The following DPYSL2 variants were observed in gnomAD, a reference collection of about 807,000 sequenced individuals.
The protein encoded by DPYSL2 is dihydropyrimidinase like 2.
A neutral mutation model predicts 69.9 loss-of-function variants in DPYSL2; 13 were observed. That is an observed-to-expected ratio of 0.19 (90% CI 0.12 to 0.30). The LOEUF (loss-of-function observed/expected upper bound fraction) is 0.30. Among genes scored for constraint, DPYSL2 ranks in the 10% least tolerant of loss-of-function variants. DPYSL2 has a pLI of 1.00. For synonymous variants in DPYSL2, 326 were observed against 359.1 expected, an observed-to-expected ratio of 0.91 and a Z score of 1.04; for missense variants, 587 against 918.9, an observed-to-expected ratio of 0.64 and a Z score of 4.67.
Position 26,627,109 on chromosome 8 carries a change from T to C in DPYSL2, c.856-106T>C. On this transcript the variant is annotated intron_variant, in intron 5 of 13. Transcript: ENST00000521913. This position sits in a 1 kb window ranked among gnomAD's most constrained non-coding sequence, Gnocchi z 6.9. ...AGTCAGGCTAATAGAATCGCCTAGGTGTCCTGTTTCTCATCCCAGAAATGC... is the reference window on the plus strand; with the variant it reads ...AGTCAGGCTAATAGAATCGCCTAGGCGTCCTGTTTCTCATCCCAGAAATGC... The C allele has an allele frequency of 9.8e-7, 1 of 1,018,240 alleles. No individual in the cohort carries two copies. Among genetic ancestry groups the C allele is most frequent in the Non-Finnish European group, 1.5e-6 (1 of 655,678 alleles). The allele number at this position is 1,018,240 out of a possible 1,614,324, so 63.1% of individuals were successfully genotyped here.
chr8:26,637,231 A>G (rs1802942788), intron 8 of DPYSL2, among the ~76,000 whole-genome samples: 2 of 152,220 alleles, frequency 1.3e-5, no homozygotes, highest in South Asian at 2.1e-4. Context: ...CTTTAGACAA[A>G]CCTGAGCTGC....
chr8:26,544,260 A>G (rs563188839), intron 1 of DPYSL2, among the ~76,000 whole-genome samples: 8 of 152,296 alleles, frequency 5.3e-5, no homozygotes, highest in South Asian at 2.1e-4. Context: ...ACAGTAGCCA[A>G]TTGTGCCTCA....
intron 1 of DPYSL2, among the ~76,000 whole-genome samples, chr8:26,520,820 C>G (rs1309423737): frequency 6.6e-6 from 1 of 152,126 alleles, no homozygotes; most frequent in African/African-American, 2.4e-5. Context: ...GCTGGCAGAT[C>G]TGGTGTCTGG....
At chr8:26,590,901 G>A (rs932605432) in intron 3 of DPYSL2, among the ~76,000 whole-genome samples, 10 of 152,256 alleles carry the variant, frequency 6.6e-5, no homozygotes, top group Admixed American at 3.9e-4. Flanking sequence ...AGCCAGGTAG[G>A]CTGGGTAGGC....
Position 26,653,190 on chromosome 8 carries a change from TGTGGCTGTGGCCTGAGCTGGGGG to T in DPYSL2, c.1777-40_1777-18del. On this transcript the variant is annotated intron_variant, in intron 12 of 13. Coordinates refer to ENST00000521913, the MANE Select transcript of DPYSL2 (RefSeq NM_001197293.3). This position sits in a 1 kb window ranked among gnomAD's most constrained non-coding sequence, Gnocchi z 5.7. ...GGAGGGTTTCTAGAGAGGTATCCTC[TGTGGCTGTGGCCTGAGCTGGGGG>T]GACTCTTGTGTTTTGCAGCTGGCTG... 1 of 1,601,244 alleles carries T rather than the reference TGTGGCTGTGGCCTGAGCTGGGGG, an allele frequency of 6.2e-7. No individual in the cohort carries two copies. Among genetic ancestry groups the T allele is most frequent in the Non-Finnish European group, 8.5e-7 (1 of 1,172,620 alleles).
rs1801455536 is a variant in DPYSL2 at position 26,580,037 on chromosome 8, G to A, written c.355-1932G>A. Among the ~76,000 whole-genome samples the A allele has an allele frequency of 6.7e-6, 1 of 149,698 alleles. No individual in the cohort carries two copies. The highest frequency in any genetic ancestry group is 2.5e-5 in the African/African-American group (1 of 40,578). On this transcript the variant is annotated intron_variant, in intron 1 of 13. Coordinates refer to ENST00000521913, the MANE Select transcript of DPYSL2 (RefSeq NM_001197293.3). This position sits in a 1 kb window ranked among gnomAD's most constrained non-coding sequence, Gnocchi z 4.1. ...GGTATTCCTCCCTCCCTCACCACTG[G>A]CAGCCTCTTATGTAAGAGCCTTCTG...
Position 26,627,444 on chromosome 8 carries a change from C to A in DPYSL2, c.936+149C>A. The A allele has an allele frequency of 2.5e-6, 2 of 792,810 alleles. No homozygotes were observed. The highest frequency in any genetic ancestry group is 4.1e-6 in the Non-Finnish European group (2 of 483,592). The allele number at this position is 792,810 out of a possible 1,614,324, so 49.1% of individuals were successfully genotyped here. The stretch of plus-strand genomic sequence containing the variant: ...TGCTGGAGCTCTGCTCAGTCTCACC[C>A]ATGGCATGAATGCCAGTGACACACG... On this transcript the variant is annotated intron_variant, in intron 6 of 13. Transcript: ENST00000521913. The surrounding 1 kb of genome is among the most constrained non-coding windows in gnomAD (Gnocchi z 6.9).
intron 1 of DPYSL2, among the ~76,000 whole-genome samples, chr8:26,523,169 A>AT (rs1460371316): frequency 7.6e-4 from 114 of 150,526 alleles, no homozygotes; most frequent in African/African-American, 2.7e-3. Flanking sequence ...ATATATATAT[A>AT]TTTTTAAATA....
At chr8:26,537,098 T>G (rs2117618611) in intron 1 of DPYSL2, among the ~76,000 whole-genome samples, 1 of 152,294 alleles carries the variant, frequency 6.6e-6, no homozygotes, top group Admixed American at 6.5e-5. Context: ...GTGACTTAAA[T>G]AGATTAGTTT....
Position 26,587,366 on chromosome 8 carries a change from G to A in DPYSL2, c.628+3383G>A, listed in dbSNP as rs796125229. ...CTTCCTCCCAACTCCCCGCCACCCC[G>A]CCCCTGGGCACTCCACCCTCCTGGC... On this transcript the variant is annotated intron_variant, in intron 3 of 13. Transcript: ENST00000521913. The surrounding 1 kb of genome is among the most constrained non-coding windows in gnomAD (Gnocchi z 4.2). 7.9e-5 allele frequency among the ~76,000 whole-genome samples: 12 copies of A among 152,126 alleles called. No individual in the cohort carries two copies. Among genetic ancestry groups the A allele is most frequent in the African/African-American group, 2.4e-4 (10 of 41,502 alleles).
chr8:26,563,371 C>T (rs62491877), intron 1 of DPYSL2, among the ~76,000 whole-genome samples: 1 of 152,212 alleles, frequency 6.6e-6, no homozygotes, highest in Non-Finnish European at 1.5e-5. Flanking sequence ...ACTAAGTCTT[C>T]CCTTTTAATT....
At position 26,533,825 on chromosome 8, in the gene DPYSL2, C is replaced by T. The variant is rs759873810; in HGVS notation, c.354+19146C>T. 7.2e-4 allele frequency among the ~76,000 whole-genome samples: 109 copies of T among 152,230 alleles called. No homozygotes were observed. The highest frequency in any genetic ancestry group is 1.6e-3 in the Admixed American group (25 of 15,284). On this transcript the variant is annotated intron_variant, in intron 1 of 13. Transcript: ENST00000521913. The surrounding 1 kb of genome is among the most constrained non-coding windows in gnomAD (Gnocchi z 4.8). ...AAGAATTGAGGCTTGCAAGAAGTGA[C>T]GTGCTGCTGCGGTGGCAGGGACTGA...
intron 7 of DPYSL2, among the ~76,000 whole-genome samples, chr8:26,630,046 C>T (rs1175867055): frequency 3.4e-5 from 5 of 146,002 alleles, no homozygotes; most frequent in African/African-American, 5.6e-5. Flanking sequence ...TTTTAGCATA[C>T]GCACATGTGC....
In DPYSL2 at chr8:26,576,105, T is replaced by G. The variant is rs566144058; in HGVS notation, c.355-5864T>G. 5.9e-5 allele frequency among the ~76,000 whole-genome samples: 9 copies of G among 152,318 alleles called. No homozygotes were observed. In the South Asian group the frequency reaches 1.7e-3, roughly 28 times the overall value. ...TTCTCTTTCAGATGCACAGCTAAAT[T>G]GAACTTGGATGAATTAACCATCGGT... On this transcript the variant is annotated intron_variant, in intron 1 of 13. Transcript: ENST00000521913.
In DPYSL2 at chr8:26,617,105, C is replaced by T. The variant is rs1463451686; in HGVS notation, c.629-7038C>T. On this transcript the variant is annotated intron_variant, in intron 3 of 13. Coordinates refer to ENST00000521913, the MANE Select transcript of DPYSL2 (RefSeq NM_001197293.3). This position sits in a 1 kb window ranked among gnomAD's most constrained non-coding sequence, Gnocchi z 4.7. ...GAGACCTTGTCAGAAATACTGCCAG[C>T]CTAGCCCTTTAAAAACTCATGATAT... 6.6e-6 allele frequency among the ~76,000 whole-genome samples: 1 copy of T among 152,182 alleles called. No individual in the cohort carries two copies. The highest frequency in any genetic ancestry group is 2.4e-5 in the African/African-American group (1 of 41,440).
intron 1 of DPYSL2, among the ~76,000 whole-genome samples, chr8:26,541,461 A>G (rs765087367): frequency 6.6e-6 from 1 of 152,228 alleles, no homozygotes; most frequent in Non-Finnish European, 1.5e-5. Flanking sequence ...CTTCAAATTG[A>G]AATAAAATTA....
chr8:26,514,690 G>A lies in DPYSL2; in HGVS notation c.354+11G>A. ...AACATCAACGACCAGGTCGGTGTGG[G>A]GGTTGGGGGTGGAGACGGAGGACGG... On this transcript the variant is annotated intron_variant, in intron 1 of 13. Coordinates refer to ENST00000521913, the MANE Select transcript of DPYSL2 (RefSeq NM_001197293.3). This position sits in a 1 kb window ranked among gnomAD's most constrained non-coding sequence, Gnocchi z 8.4. The A allele has an allele frequency of 1.4e-6, 2 of 1,392,316 alleles. No homozygotes were observed. Among genetic ancestry groups the A allele is most frequent in the Non-Finnish European group, 1.9e-6 (2 of 1,077,292 alleles). 86.2% of individuals were successfully genotyped at this position (1,392,316 alleles called of 1,614,324 possible). A position where few individuals can be genotyped will look rare whatever the true frequency, so the allele number is the denominator to read the frequency against.
chr8:26,606,693 T>C (rs1450690450), intron 3 of DPYSL2, among the ~76,000 whole-genome samples: 1 of 152,240 alleles, frequency 6.6e-6, no homozygotes, highest in Non-Finnish European at 1.5e-5. Flanking sequence ...GCTAAGTTTT[T>C]ATCTACTAAA....
At position 26,583,979 on chromosome 8, in the gene DPYSL2, G is replaced by C. The variant is rs747548263; in HGVS notation, c.624G>C (p.Met208Ile). 1.9e-6 allele frequency: 3 copies of C among 1,613,464 alleles called. No homozygotes were observed. In the South Asian group the frequency reaches 3.3e-5, roughly 18 times the overall value. Residue 208 changes from methionine (M) to isoleucine (I), a missense_variant, in exon 3 of 14, where the codon ATG becomes ATC. By Grantham distance (10) the Met-to-Ile change is conservative. This residue lies in a region of DPYSL2 where 452 missense variants were observed against 754.3 expected (regional missense o/e 0.60). Coordinates refer to ENST00000521913, the MANE Select transcript of DPYSL2 (RefSeq NM_001197293.3). ...TKAALAGGTT[M>I]IIDHVVPEPG... ...CGGCCCTGGCTGGGGGAACCACTATGATCAGTAAGAAGCTTAAAAATCATC... is the reference window on the plus strand; with the variant it reads ...CGGCCCTGGCTGGGGGAACCACTATCATCAGTAAGAAGCTTAAAAATCATC...
Sources: allele counts gnomAD v4.1 joint callset (sites outside exome capture counted in the v4.1 genomes callset), GRCh38; gene constraint gnomAD v4.1.1; regional missense constraint gnomAD v4.1.1; non-coding constraint Gnocchi (gnomAD v3.1); transcripts MANE v1.5; gene names NCBI Gene and HGNC (gene_info 2026-07-23, HGNC 2026-07-21).